HMCN2: variants seen among roughly 807,000 people sequenced by gnomAD.
The protein encoded by HMCN2 is hemicentin-2.
HMCN2 carries 325 observed loss-of-function variants against 377.5 expected under a neutral mutation model. The ratio of observed to expected loss-of-function variants is 0.86; its 90% CI spans 0.79 to 0.94. HMCN2 has a LOEUF of 0.94. HMCN2 is among the 40% of genes least tolerant of loss of function. The probability of loss-of-function intolerance (pLI) is 0.00; values close to 1 mark genes in which losing one functional copy is unlikely to be tolerated. For synonymous variants in HMCN2, 2,007 were observed against 2,046.8 expected (o/e 0.98, Z 0.53); for missense variants, 4,543 against 4,725.3 (o/e 0.96, Z 1.13).
At position 130,375,934 on chromosome 9, in the gene HMCN2, C is replaced by T; in HGVS notation, c.7863C>T (p.Cys2621=). The T allele has an allele frequency of 7.1e-6, 7 of 985,908 alleles. No homozygotes were observed. The highest frequency in any genetic ancestry group is 8.4e-6 in the Non-Finnish European group (7 of 830,004). 61.1% of individuals were successfully genotyped at this position (985,908 alleles called of 1,614,324 possible). ...AGGAAGATGCTGGCCAGTACACCTGCGTGGTCACCAATGAGCTCGGGGAGG... is the reference window on the plus strand; with the variant it reads ...AGGAAGATGCTGGCCAGTACACCTGTGTGGTCACCAATGAGCTCGGGGAGG... ...AQKEDAGQYT[C]VVTNELGEAV... The change falls in exon 51 of 98, where the codon TGC becomes TGT. Residue 2621 remains cysteine, a synonymous_variant. Coordinates refer to ENST00000683500, the MANE Select transcript of HMCN2 (RefSeq NM_001291815.2).
At chr9:130,358,368 C>A (rs1248075794) in intron 35 of HMCN2, 22 bp from the exon 36 acceptor site, 14 of 1,304,096 alleles carry the variant, frequency 1.1e-5, no homozygotes, top group African/African-American at 1.5e-5. Flanking sequence ...CTGTGGCATA[C>A]TCTCTGCCCC....
At chr9:130,346,747 C>T (rs1286426753) in intron 25 of HMCN2, among the ~76,000 whole-genome samples, 2 of 152,052 alleles carry the variant, frequency 1.3e-5, no homozygotes, top group East Asian at 1.9e-4. Context: ...GTGGGGGACA[C>T]GGAAAAGAGA....
chr9:130,397,723 G>A, intron 74 of HMCN2, 68 bp downstream of exon 74: 1 of 1,261,396 alleles, frequency 7.9e-7, no homozygotes, highest in African/African-American at 1.5e-5. Flanking sequence ...TAGTTTCTGA[G>A]TCACCCCAGC....
chr9:130,274,765 T>A (rs1190834490), intron 1 of HMCN2, among the ~76,000 whole-genome samples: 1 of 152,200 alleles, frequency 6.6e-6, no homozygotes, highest in Non-Finnish European at 1.5e-5. Context: ...ACTTGCTTTC[T>A]TCCCCCCACA....
chr9:130,392,222 C>A, intron 66 of HMCN2, 104 bp downstream of exon 66: 1 of 793,550 alleles, frequency 1.3e-6, no homozygotes, highest in Non-Finnish European at 1.5e-6. Context: ...CTGCAACACC[C>A]ACTCCCCACC....
intron 1 of HMCN2, among the ~76,000 whole-genome samples, chr9:130,275,472 T>A (rs1296963208): frequency 6.6e-6 from 1 of 152,178 alleles, no homozygotes; most frequent in African/African-American, 2.4e-5. Context: ...ATTTTTGAGA[T>A]GGAGTCTTGC....
chr9:130,429,894 T>A (rs928108537), intron 94 of HMCN2: 42 of 953,450 alleles, frequency 4.4e-5, no homozygotes, highest in Non-Finnish European at 6.0e-5. Flanking sequence ...ACTGGGTGCC[T>A]GCCTGTGCAC....
intron 61 of HMCN2, among the ~76,000 whole-genome samples, chr9:130,386,978 T>C (rs1445097061): frequency 2.0e-5 from 3 of 152,336 alleles, no homozygotes; most frequent in South Asian, 2.1e-4. Context: ...GGACCTGCCA[T>C]GGATCCCATG....
At chr9:130,312,657 C>T (rs984511756) in intron 15 of HMCN2, among the ~76,000 whole-genome samples, 2,735 of 141,334 alleles carry the variant, frequency 0.019, 95 homozygotes, top group African/African-American at 0.07. Flanking sequence ...TCCCTCCCTT[C>T]CTTTCTTTCT....
intron 4 of HMCN2, among the ~76,000 whole-genome samples, chr9:130,289,403 G>T (rs1251160394): frequency 2.6e-5 from 4 of 152,264 alleles, no homozygotes; most frequent in African/African-American, 9.6e-5. Context: ...AAATTCATCA[G>T]CAGGGGCCCA....
At position 130,397,511 on chromosome 9, in the gene HMCN2, AC is replaced by A; in HGVS notation, c.11199-12del. On this transcript the variant is annotated splice_polypyrimidine_tract_variant and intron_variant, in intron 73 of 97. Coordinates refer to ENST00000683500, the MANE Select transcript of HMCN2 (RefSeq NM_001291815.2). ...CACTGGCTTGCTCATCTCCAGGGCA[AC>A]CCCCATCCATTCTAGGTTTGAAATT... The A allele has an allele frequency of 7.8e-7, 1 of 1,289,552 alleles. No homozygotes were observed. The highest frequency in any genetic ancestry group is 1.0e-6 in the Non-Finnish European group (1 of 988,716). 79.9% of individuals were successfully genotyped at this position (1,289,552 alleles called of 1,614,324 possible).
rs2131812847 is a variant in HMCN2, at chr9:130,424,992, G to A, written c.13520-17G>A. 1 of 1,536,814 alleles carries A rather than the reference G, an allele frequency of 6.5e-7. No homozygotes were observed. The highest frequency in any genetic ancestry group is 8.8e-7 in the Non-Finnish European group (1 of 1,139,246). On this transcript the variant is annotated splice_polypyrimidine_tract_variant and intron_variant, in intron 88 of 97. Transcript: ENST00000683500. Reference sequence around the variant, plus strand: ...ACCTCCCGTGGTGACTCTGGGCTGGGTGGGGATGGTTTGCAGGGGAGCTGC... The same window carrying A: ...ACCTCCCGTGGTGACTCTGGGCTGGATGGGGATGGTTTGCAGGGGAGCTGC...
intron 43 of HMCN2, among the ~76,000 whole-genome samples, 199 bp from the exon 44 acceptor site, chr9:130,368,077 A>T (rs1195813229): frequency 6.7e-6 from 1 of 150,352 alleles, no homozygotes; most frequent in East Asian, 2.0e-4. Flanking sequence ...GCCTAGGGGG[A>T]TGGGGGGAGT....
At chr9:130,306,555 A>G (rs1836869206) in intron 12 of HMCN2, among the ~76,000 whole-genome samples, 1 of 134,614 alleles carries the variant, frequency 7.4e-6, no homozygotes. Flanking sequence ...CCCACCATTC[A>G]GGCTGTGCCG....
At chr9:130,370,737 A>C (rs1423567466) in intron 45 of HMCN2, among the ~76,000 whole-genome samples, 3 of 152,110 alleles carry the variant, frequency 2.0e-5, no homozygotes, top group Non-Finnish European at 4.4e-5. Flanking sequence ...GGGCTTGGGG[A>C]GACTGAGGCC....
chr9:130,393,899 G>T lies in HMCN2; in HGVS notation c.10392G>T (p.Gly3464=). The T allele has an allele frequency of 7.8e-7, 1 of 1,289,612 alleles. No homozygotes were observed. Among genetic ancestry groups the T allele is most frequent in the Non-Finnish European group, 1.0e-6 (1 of 988,788 alleles). 79.9% of individuals were successfully genotyped at this position (1,289,612 alleles called of 1,614,324 possible). ...EPLLSQSLEQ[G]PSLQLEAVGA... is the part of the protein sequence containing the mutation. ...TGTTGTCCCAGAGCCTCGAGCAGGG[G>T]CCCAGCCTGCAGCTGGAGGCAGTGG... The change falls in exon 68 of 98, where the codon GGG becomes GGT. Residue 3464 remains glycine, a synonymous_variant. Coordinates refer to ENST00000683500, the MANE Select transcript of HMCN2 (RefSeq NM_001291815.2). This position sits in a 1 kb window ranked among gnomAD's most constrained non-coding sequence, Gnocchi z 5.2.
rs879268775 is a variant in HMCN2, at chr9:130,422,731, G to A, written c.13381+5G>A. On this transcript the variant is annotated splice_donor_5th_base_variant and intron_variant, in intron 87 of 97. Coordinates refer to ENST00000683500, the MANE Select transcript of HMCN2 (RefSeq NM_001291815.2). The surrounding 1 kb of genome is among the most constrained non-coding windows in gnomAD (Gnocchi z 4.2). ...GCCATGTCCCAGCAAACGTGGGTGA[G>A]TGGAAGGCAGAGCATCACCTGCCTC... 50 of 1,275,966 alleles carry A rather than the reference G, an allele frequency of 3.9e-5. No individual in the cohort carries two copies. The highest frequency in any genetic ancestry group is 4.8e-5 in the Non-Finnish European group (48 of 1,002,822). 79.0% of individuals were successfully genotyped at this position (1,275,966 alleles called of 1,614,324 possible). A position where few individuals can be genotyped will look rare whatever the true frequency, so the allele number is the denominator to read the frequency against.
At chr9:130,381,952 G>C (rs1035843017) in intron 54 of HMCN2, among the ~76,000 whole-genome samples, 1 of 152,170 alleles carries the variant, frequency 6.6e-6, no homozygotes, top group African/African-American at 2.4e-5. Flanking sequence ...GGCACTGTGG[G>C]ACAGGCCGAG....
intron 54 of HMCN2, 85 bp downstream of exon 54, chr9:130,379,552 C>A: frequency 1.9e-6 from 1 of 524,918 alleles, no homozygotes; most frequent in Non-Finnish European, 2.4e-6. Flanking sequence ...GAGCACACAA[C>A]CACTCTGGAC....
Sources: gnomAD v4.1 joint callset for allele counts (sites outside exome capture counted in the v4.1 genomes callset) on GRCh38, gnomAD v4.1.1 for gene constraint, Gnocchi (gnomAD v3.1) non-coding constraint, MANE v1.5 for transcripts, NCBI Gene and HGNC (gene_info 2026-07-23, HGNC 2026-07-21) for gene names.